AFG2A: variants seen among roughly 807,000 people sequenced by gnomAD.
AFG2A encodes ATPase family gene 2 protein homolog A.
chr4:123,287,283 G>A, the AFG2A span, among the ~76,000 whole-genome samples: 12 of 152,258 alleles, frequency 7.9e-5, no homozygotes, highest in Admixed American at 4.6e-4. Context: ...GCTATTTAGT[G>A]TAACCCCATT....
the AFG2A span, among the ~76,000 whole-genome samples, chr4:123,264,865 A>G: frequency 6.6e-6 from 1 of 152,190 alleles, no homozygotes; most frequent in South Asian, 2.1e-4. Context: ...GTGTGGTTAT[A>G]TACCTGTCAT....
At chr4:123,295,621 G>T in the AFG2A span, among the ~76,000 whole-genome samples, 1 of 152,252 alleles carries the variant, frequency 6.6e-6, no homozygotes, top group Non-Finnish European at 1.5e-5. Context: ...ACTCTGGGAG[G>T]CCAAGGCGGG....
At chr4:122,992,535 G>T in the AFG2A span, among the ~76,000 whole-genome samples, 14 of 152,058 alleles carry the variant, frequency 9.2e-5, no homozygotes, top group Admixed American at 8.5e-4. Context: ...ACTTATTTTG[G>T]TATAGAAAAC....
At chr4:123,084,391 T>C in the AFG2A span, among the ~76,000 whole-genome samples, 14 of 151,996 alleles carry the variant, frequency 9.2e-5, no homozygotes, top group African/African-American at 2.4e-4. Flanking sequence ...AAGCTTAGTA[T>C]TGATTTTAGA....
At chr4:123,098,068 T>C in the AFG2A span, among the ~76,000 whole-genome samples, 1 of 152,102 alleles carries the variant, frequency 6.6e-6, no homozygotes, top group African/African-American at 2.4e-5. Flanking sequence ...AGTAGAGTAG[T>C]TACAGTACAG....
At chr4:122,992,103 T>C in the AFG2A span, among the ~76,000 whole-genome samples, 8 of 152,248 alleles carry the variant, frequency 5.3e-5, no homozygotes, top group African/African-American at 1.7e-4. Context: ...ACATTTTGAA[T>C]TTAAAATTAC....
At chr4:123,183,495 A>C in the AFG2A span, among the ~76,000 whole-genome samples, 1 of 152,210 alleles carries the variant, frequency 6.6e-6, no homozygotes. Context: ...CAAATTAGTT[A>C]TGCTACATGT....
At chr4:123,072,274 CTCTTATTAA>C in the AFG2A span, among the ~76,000 whole-genome samples, 1 of 152,102 alleles carries the variant, frequency 6.6e-6, no homozygotes, top group Non-Finnish European at 1.5e-5. Flanking sequence ...CATGTGTCAA[CTCTTATTAA>C]TACAGTGTCT....
chr4:123,133,970 T>C, the AFG2A span, among the ~76,000 whole-genome samples: 1 of 152,322 alleles, frequency 6.6e-6, no homozygotes, highest in Admixed American at 6.5e-5. Context: ...AATAGGGTTA[T>C]GTGTTCTCTT....
chr4:123,012,557 G>A, the AFG2A span, among the ~76,000 whole-genome samples: 1 of 152,144 alleles, frequency 6.6e-6, no homozygotes, highest in Non-Finnish European at 1.5e-5. Context: ...ATGAAATGTG[G>A]GTGAATAATC....
the AFG2A span, among the ~76,000 whole-genome samples, chr4:122,954,859 C>A: frequency 2.6e-5 from 4 of 152,208 alleles, no homozygotes; most frequent in African/African-American, 4.8e-5. Flanking sequence ...CCAGACCCTT[C>A]GGTGTTTTTG....
the AFG2A span, among the ~76,000 whole-genome samples, chr4:123,309,182 G>T: frequency 3.1e-4 from 47 of 152,288 alleles, no homozygotes; most frequent in East Asian, 8.7e-3. Context: ...AGTTCTATGG[G>T]AAACAACGAG....
the AFG2A span, among the ~76,000 whole-genome samples, chr4:122,970,428 T>C: frequency 1.2e-3 from 180 of 152,074 alleles, 1 homozygote; most frequent in South Asian, 0.011. Context: ...AATGTATCCC[T>C]GTCATTAAGC....
chr4:123,170,258 C>G, the AFG2A span, among the ~76,000 whole-genome samples: 1 of 152,086 alleles, frequency 6.6e-6, no homozygotes, highest in African/African-American at 2.4e-5. Context: ...AAGACTTACC[C>G]CATCACTGGG....
chr4:123,108,009 G>A, the AFG2A span, among the ~76,000 whole-genome samples: 5,857 of 152,246 alleles, frequency 0.038, 232 homozygotes, highest in African/African-American at 0.1. Flanking sequence ...GCAGAGTCAC[G>A]GCTGGACAAC....
the AFG2A span, among the ~76,000 whole-genome samples, chr4:123,060,176 G>A: frequency 6.6e-6 from 1 of 152,324 alleles, no homozygotes; most frequent in Non-Finnish European, 1.5e-5. Context: ...TCACAGGCTG[G>A]TGTTGAGTAT....
chr4:122,947,169 T>C, the AFG2A span: 19 of 1,451,114 alleles, frequency 1.3e-5, no homozygotes, highest in South Asian at 2.1e-4. Flanking sequence ...AGCCAGTGTG[T>C]GCCTCTCACT....
At chr4:122,938,114 G>T in the AFG2A span, 1 of 1,578,620 alleles carries the variant, frequency 6.3e-7, no homozygotes, top group Middle Eastern at 1.7e-4. Flanking sequence ...CATTTTACTT[G>T]TTTGTTTTTA....
the AFG2A span, among the ~76,000 whole-genome samples, chr4:123,064,344 A>G: frequency 5.3e-5 from 8 of 152,208 alleles, no homozygotes; most frequent in Non-Finnish European, 1.0e-4. Context: ...ATACTGGGCT[A>G]ATAATAATAT....
Sources: allele counts gnomAD v4.1 joint callset (sites outside exome capture counted in the v4.1 genomes callset), GRCh38; gene constraint gnomAD v4.1.1; transcripts MANE v1.5; gene names NCBI Gene and HGNC (gene_info 2026-07-23, HGNC 2026-07-21).